Variants in L3MBTL3 observed in about 807,000 individuals in gnomAD.
The protein encoded by L3MBTL3 is lethal(3)malignant brain tumor-like protein 3.
L3MBTL3 carries 27 observed loss-of-function variants against 102.3 expected under a neutral mutation model. That is an observed-to-expected ratio of 0.26 (90% confidence interval 0.19 to 0.36). The LOEUF is 0.36. L3MBTL3 is among the 10% of genes least tolerant of loss of function. The pLI, the probability that L3MBTL3 is intolerant of heterozygous loss-of-function variation, is 1.00. For missense variants in L3MBTL3, 798 were observed against 955.3 expected, an observed-to-expected ratio of 0.84 and a Z score of 2.17; for synonymous variants, 340 against 320.9, an observed-to-expected ratio of 1.06 and a Z score of -0.64.
chr6:130,069,063 G>T (rs1238459271), intron 12 of L3MBTL3, among the ~76,000 whole-genome samples: 1 of 152,168 alleles, frequency 6.6e-6, no homozygotes, highest in Non-Finnish European at 1.5e-5. Context: ...GACGTGCATG[G>T]CTTGTATCTG....
intron 10 of L3MBTL3, among the ~76,000 whole-genome samples, chr6:130,065,777 G>T (rs1486778890): frequency 6.6e-6 from 1 of 152,178 alleles, no homozygotes; most frequent in African/African-American, 2.4e-5. Context: ...GTGGGGCCCT[G>T]TAGGCATATG....
In L3MBTL3 at chr6:130,030,866, C is replaced by T. The variant is rs200150522; in HGVS notation, c.-16+8561C>T. ...AATGAGGATGATAATGTTTATCAGT[C>T]TTAAAAAAGTAGTTTGAGGGTCAAA... On this transcript the variant is annotated intron_variant, in intron 2 of 22. Transcript: ENST00000361794. Among the ~76,000 whole-genome samples the T allele has an allele frequency of 1.1e-3, 79 of 74,402 alleles. 1 individual carries two copies. In the East Asian group the frequency reaches 0.034, roughly 32 times the overall value. 48.8% of individuals were successfully genotyped at this position (74,402 alleles called of 152,430 possible).
At chr6:130,122,331 G>A (rs572251373) in intron 20 of L3MBTL3, among the ~76,000 whole-genome samples, 2 of 152,284 alleles carry the variant, frequency 1.3e-5, no homozygotes, top group South Asian at 4.1e-4. Flanking sequence ...AAAAGTTATA[G>A]TCAGTGCTGT....
intron 18 of L3MBTL3, among the ~76,000 whole-genome samples, chr6:130,101,628 G>C (rs547979473): frequency 2.0e-5 from 3 of 152,276 alleles, no homozygotes; most frequent in East Asian, 1.9e-4. Context: ...AAGGGCAGGG[G>C]GACTGAGAGC....
chr6:130,075,866 AT>A (rs1458197702), intron 13 of L3MBTL3, among the ~76,000 whole-genome samples: 2 of 152,208 alleles, frequency 1.3e-5, no homozygotes, highest in Non-Finnish European at 2.9e-5. Context: ...TAAAAGGAAA[AT>A]TTGATACGAG....
At chr6:130,024,106 A>G (rs1779179673) in intron 2 of L3MBTL3, among the ~76,000 whole-genome samples, 1 of 152,164 alleles carries the variant, frequency 6.6e-6, no homozygotes, top group Admixed American at 6.5e-5. Flanking sequence ...ACTGTAATTA[A>G]TATTTTAGTT....
chr6:130,067,481 C>G (rs1413053188), intron 11 of L3MBTL3, among the ~76,000 whole-genome samples: 1 of 152,132 alleles, frequency 6.6e-6, no homozygotes, highest in Non-Finnish European at 1.5e-5. Context: ...GTCAAAAATT[C>G]AGGTTACTGG....
intron 19 of L3MBTL3, among the ~76,000 whole-genome samples, chr6:130,120,261 C>T (rs1381868645): frequency 6.6e-6 from 1 of 152,034 alleles, no homozygotes; most frequent in Non-Finnish European, 1.5e-5. Flanking sequence ...CGTTTTTGCC[C>T]TTGACATAAG....
At chr6:130,137,208 C>A (rs1320097146) in intron 22 of L3MBTL3, among the ~76,000 whole-genome samples, 1 of 152,138 alleles carries the variant, frequency 6.6e-6, no homozygotes, top group Admixed American at 6.5e-5. Context: ...TGGAAAAGAA[C>A]AAATAGTGAA....
At chr6:130,117,421 C>T (rs555770282) in intron 19 of L3MBTL3, among the ~76,000 whole-genome samples, 13 of 152,000 alleles carry the variant, frequency 8.6e-5, no homozygotes, top group East Asian at 1.9e-4. Context: ...TGAATAATGC[C>T]GCAAATCTGT....
intron 11 of L3MBTL3, among the ~76,000 whole-genome samples, chr6:130,067,607 A>C (rs1355161647): frequency 6.6e-6 from 1 of 152,238 alleles, no homozygotes; most frequent in Non-Finnish European, 1.5e-5. Flanking sequence ...ACAAAATAGC[A>C]TAGAAAAAGT....
chr6:130,024,446 A>G (rs1463221543), intron 2 of L3MBTL3, among the ~76,000 whole-genome samples: 1 of 152,208 alleles, frequency 6.6e-6, no homozygotes, highest in African/African-American at 2.4e-5. Flanking sequence ...CTAAGAATCC[A>G]AAAACCCAAT....
intron 7 of L3MBTL3, among the ~76,000 whole-genome samples, chr6:130,053,527 C>T (rs998749002): frequency 5.9e-5 from 9 of 151,430 alleles, no homozygotes; most frequent in Admixed American, 3.3e-4. Flanking sequence ...CCCAGCTACT[C>T]GGGAGGCTGA....
At chr6:130,020,932 T>C (rs370736158) in intron 1 of L3MBTL3, among the ~76,000 whole-genome samples, 1 of 149,740 alleles carries the variant, frequency 6.7e-6, no homozygotes, top group Admixed American at 6.7e-5. Flanking sequence ...GAAACAAAAA[T>C]AGATTTTTAA....
chr6:130,105,931 G>T (rs1002576465), intron 19 of L3MBTL3, among the ~76,000 whole-genome samples: 7 of 152,004 alleles, frequency 4.6e-5, no homozygotes, highest in Non-Finnish European at 8.8e-5. Context: ...TTCCTTTTTG[G>T]CTGTAAATCC....
intron 2 of L3MBTL3, among the ~76,000 whole-genome samples, chr6:130,028,919 A>G (rs1381944076): frequency 6.6e-6 from 1 of 152,218 alleles, no homozygotes; most frequent in Non-Finnish European, 1.5e-5. Flanking sequence ...TAGAATTTTC[A>G]CTGGAGAATA....
intron 18 of L3MBTL3, among the ~76,000 whole-genome samples, chr6:130,095,595 C>T (rs1009599379): frequency 1.1e-4 from 16 of 152,182 alleles, no homozygotes; most frequent in African/African-American, 3.6e-4. Context: ...AATTCATGAA[C>T]GTACTAAATT....
intron 18 of L3MBTL3, among the ~76,000 whole-genome samples, chr6:130,096,168 G>A (rs1784353807): frequency 6.6e-6 from 1 of 152,088 alleles, no homozygotes; most frequent in South Asian, 2.1e-4. Context: ...TTAGTAACTT[G>A]CCTTACTTCC....
At chr6:130,046,648 G>T (rs7763108) in intron 3 of L3MBTL3, among the ~76,000 whole-genome samples, 81,665 of 152,034 alleles carry the variant, frequency 0.54, 25,377 homozygotes, top group East Asian at 0.76. Flanking sequence ...TTGCTTAATA[G>T]TAAATCCCTT....
Sources: gnomAD v4.1 joint callset for allele counts (sites outside exome capture counted in the v4.1 genomes callset) on GRCh38, gnomAD v4.1.1 for gene constraint, MANE v1.5 for transcripts, NCBI Gene and HGNC (gene_info 2026-07-23, HGNC 2026-07-21) for gene names.